Variants in ANKRD30BL observed in about 807,000 individuals in gnomAD.
ANKRD30BL encodes the protein putative ankyrin repeat domain-containing protein 30B-like.
A neutral mutation model predicts 18.4 loss-of-function variants in ANKRD30BL; 20 were observed. The ratio of observed to expected loss-of-function variants is 1.09; its 90% CI spans 0.77 to 1.58. The LOEUF (loss-of-function observed/expected upper bound fraction) is 1.58, where lower values mean the gene tolerates loss of function less well. ANKRD30BL is among the 40% of genes most tolerant of loss of function. The pLI is 0.00. For synonymous variants in ANKRD30BL, 72 were observed against 100.9 expected (o/e 0.71, Z 1.72); for missense variants, 224 against 268.6 (o/e 0.83, Z 1.16).
intron 1 of ANKRD30BL, chr2:132,257,394 C>A: frequency 3.0e-6 from 1 of 328,258 alleles, no homozygotes; most frequent in Non-Finnish European, 5.8e-6. Context: ...GCCTCCCAAC[C>A]GCTAGGACGC....
chr2:132,180,795 A>G (rs1228237304), intron 1 of ANKRD30BL, among the ~76,000 whole-genome samples: 3 of 152,198 alleles, frequency 2.0e-5, no homozygotes, highest in Non-Finnish European at 4.4e-5. Context: ...AATAAAATAG[A>G]TTAACAAAAT....
intron 1 of ANKRD30BL, among the ~76,000 whole-genome samples, chr2:132,187,630 A>G (rs187690651): frequency 2.0e-5 from 3 of 152,196 alleles, no homozygotes; most frequent in Non-Finnish European, 4.4e-5. Context: ...ATTATTAATA[A>G]TGTTATTTCT....
intron 1 of ANKRD30BL, among the ~76,000 whole-genome samples, chr2:132,167,557 C>T (rs1176135676): frequency 1.3e-5 from 2 of 152,066 alleles, no homozygotes; most frequent in Non-Finnish European, 2.9e-5. Flanking sequence ...GGTCCACCCA[C>T]CTTGGCATCC....
At chr2:132,207,847 CA>C (rs1336626301) in intron 1 of ANKRD30BL, among the ~76,000 whole-genome samples, 3 of 152,126 alleles carry the variant, frequency 2.0e-5, no homozygotes, top group Non-Finnish European at 2.9e-5. Context: ...ACGTGGCATA[CA>C]TGCAATTTCC....
At chr2:132,252,712 G>C (rs574846049) in intron 1 of ANKRD30BL, among the ~76,000 whole-genome samples, 1 of 151,698 alleles carries the variant, frequency 6.6e-6, no homozygotes, top group South Asian at 2.1e-4. Context: ...CTTCCTATTT[G>C]CCTTCCTCCC....
intron 1 of ANKRD30BL, among the ~76,000 whole-genome samples, chr2:132,175,176 G>A (rs1280841162): frequency 2.0e-5 from 3 of 146,872 alleles, no homozygotes; most frequent in South Asian, 2.3e-4. Flanking sequence ...CACCAGCACC[G>A]GACTCTGAGT....
At chr2:132,158,508 A>G (rs1330058566) in intron 1 of ANKRD30BL, among the ~76,000 whole-genome samples, 1 of 151,948 alleles carries the variant, frequency 6.6e-6, no homozygotes, top group East Asian at 1.9e-4. Flanking sequence ...AAAATCTTCA[A>G]TTGAGATTCA....
chr2:132,207,903 G>A (rs1479350802), intron 1 of ANKRD30BL, among the ~76,000 whole-genome samples: 1 of 152,250 alleles, frequency 6.6e-6, no homozygotes, highest in South Asian at 2.1e-4. Context: ...ATACTATAAT[G>A]CTCAGATCAC....
intron 1 of ANKRD30BL, among the ~76,000 whole-genome samples, chr2:132,245,905 T>G (rs1573889903): frequency 6.6e-6 from 1 of 151,792 alleles, no homozygotes; most frequent in Non-Finnish European, 1.5e-5. Context: ...TTGGAGTATT[T>G]GAAATTGGAC....
intron 1 of ANKRD30BL, among the ~76,000 whole-genome samples, chr2:132,237,412 G>T (rs138697790): frequency 1.3e-5 from 2 of 150,968 alleles, no homozygotes; most frequent in East Asian, 1.9e-4. Flanking sequence ...GGATATTAGG[G>T]CAGCATTGAG....
intron 1 of ANKRD30BL, among the ~76,000 whole-genome samples, chr2:132,218,822 C>G (rs1171983334): frequency 6.6e-6 from 1 of 151,914 alleles, no homozygotes; most frequent in Non-Finnish European, 1.5e-5. Context: ...AATTAGACAG[C>G]AGCATTCTCA....
At chr2:132,225,846 T>C (rs1004003520) in intron 1 of ANKRD30BL, among the ~76,000 whole-genome samples, 1 of 152,034 alleles carries the variant, frequency 6.6e-6, no homozygotes, top group Non-Finnish European at 1.5e-5. Context: ...ACATAAAAAC[T>C]AGACAGTAGC....
chr2:132,179,495 G>C (rs968786148), intron 1 of ANKRD30BL, among the ~76,000 whole-genome samples: 49 of 152,048 alleles, frequency 3.2e-4, no homozygotes, highest in African/African-American at 1.2e-3. Flanking sequence ...CACCATGTTG[G>C]CCAGGCTGCT....
At chr2:132,256,617 G>A (rs1680848396) in intron 1 of ANKRD30BL, among the ~76,000 whole-genome samples, 1 of 152,162 alleles carries the variant, frequency 6.6e-6, no homozygotes. Flanking sequence ...GCGGGCCTGC[G>A]GCTTCCCCAC....
At chr2:132,186,313 TTTATG>T (rs1688559170) in intron 1 of ANKRD30BL, among the ~76,000 whole-genome samples, 2 of 152,304 alleles carry the variant, frequency 1.3e-5, no homozygotes, top group African/African-American at 2.4e-5. Flanking sequence ...ATGGTTTGTT[TTTATG>T]TTATGTTAGC....
At chr2:132,179,071 G>T (rs1688412980) in intron 1 of ANKRD30BL, among the ~76,000 whole-genome samples, 1 of 151,618 alleles carries the variant, frequency 6.6e-6, no homozygotes, top group African/African-American at 2.4e-5. Flanking sequence ...CTGTAGGATT[G>T]TAATGGAGGT....
At chr2:132,149,431 A>G (rs942044129) in intron 5 of ANKRD30BL, among the ~76,000 whole-genome samples, 5 of 152,216 alleles carry the variant, frequency 3.3e-5, no homozygotes, top group African/African-American at 4.8e-5. Flanking sequence ...AGTTGATAAT[A>G]GTGAGACCTT....
At chr2:132,226,102 G>A (rs966697957) in intron 1 of ANKRD30BL, among the ~76,000 whole-genome samples, 4 of 152,082 alleles carry the variant, frequency 2.6e-5, no homozygotes, top group African/African-American at 9.7e-5. Flanking sequence ...TCATAGAGCA[G>A]TTATGAAACA....
intron 4 of ANKRD30BL, among the ~76,000 whole-genome samples, chr2:132,153,951 A>C (rs555223469): frequency 8.5e-5 from 13 of 152,308 alleles, no homozygotes; most frequent in African/African-American, 3.1e-4. Flanking sequence ...CACTAATCTA[A>C]AAGAGGCAAA....
Sources: allele counts gnomAD v4.1 joint callset (sites outside exome capture counted in the v4.1 genomes callset), GRCh38; gene constraint gnomAD v4.1.1; transcripts MANE v1.5; gene names NCBI Gene and HGNC (gene_info 2026-07-23, HGNC 2026-07-21).